The following SGCZ variants were observed in gnomAD, a reference collection of about 807,000 sequenced individuals.
SGCZ encodes the protein zeta-sarcoglycan.
A neutral mutation model predicts 41.3 loss-of-function variants in SGCZ; 40 were observed. The observed-to-expected ratio is 0.97, with a 90% CI of 0.75 to 1.26. SGCZ has a LOEUF of 1.26. Ranked by LOEUF, SGCZ falls within the 50% of genes most tolerant of loss-of-function variation. The pLI is 0.00. For synonymous variants in SGCZ, 206 were observed against 137.5 expected (o/e 1.50, Z -3.49); for missense variants, 552 against 369.8 (o/e 1.49, Z -4.04).
intron 1 of SGCZ, among the ~76,000 whole-genome samples, chr8:15,199,106 AC>A (rs1238292737): frequency 3.3e-5 from 5 of 152,234 alleles, no homozygotes; most frequent in Admixed American, 2.0e-4. Flanking sequence ...ATTTTTAGGA[AC>A]ATCAACTTCG....
intron 1 of SGCZ, among the ~76,000 whole-genome samples, chr8:14,796,063 C>T (rs1364101099): frequency 6.6e-6 from 1 of 152,162 alleles, no homozygotes; most frequent in Non-Finnish European, 1.5e-5. Context: ...TTTTCTTTAT[C>T]CAGTCTATCA....
intron 2 of SGCZ, among the ~76,000 whole-genome samples, chr8:14,492,613 A>C (rs559828011): frequency 5.3e-5 from 8 of 152,260 alleles, no homozygotes; most frequent in Admixed American, 1.3e-4. Context: ...TATCTGCTCA[A>C]ATTTCTCACT....
At chr8:14,542,867 A>G (rs1803512992) in intron 2 of SGCZ, among the ~76,000 whole-genome samples, 2 of 152,112 alleles carry the variant, frequency 1.3e-5, no homozygotes, top group Admixed American at 6.6e-5. Flanking sequence ...ACGTTTAATC[A>G]TCAAAGTATC....
intron 1 of SGCZ, among the ~76,000 whole-genome samples, chr8:14,915,082 T>TA (rs1363386044): frequency 6.6e-6 from 1 of 152,174 alleles, no homozygotes; most frequent in Non-Finnish European, 1.5e-5. Context: ...ATAACTCTCA[T>TA]ACTGCTTTTT....
At chr8:14,153,457 G>T (rs1162463895) in intron 5 of SGCZ, among the ~76,000 whole-genome samples, 1 of 152,118 alleles carries the variant, frequency 6.6e-6, no homozygotes, top group South Asian at 2.1e-4. Flanking sequence ...TTGGGAGTGC[G>T]ATTCTATTGC....
chr8:14,793,801 A>G (rs936398062), intron 1 of SGCZ, among the ~76,000 whole-genome samples: 5 of 152,168 alleles, frequency 3.3e-5, no homozygotes, highest in African/African-American at 1.2e-4. Context: ...TCACCTTGGC[A>G]GAAGTCTAGA....
chr8:14,954,951 G>C (rs1191356171), intron 1 of SGCZ, among the ~76,000 whole-genome samples: 1 of 152,070 alleles, frequency 6.6e-6, no homozygotes, highest in Non-Finnish European at 1.5e-5. Context: ...GCTTTCCCAG[G>C]TGCTATGATA....
chr8:14,418,426 C>G (rs1211525270), intron 2 of SGCZ, among the ~76,000 whole-genome samples: 1 of 151,880 alleles, frequency 6.6e-6, no homozygotes, highest in Non-Finnish European at 1.5e-5. Context: ...GTGAGAGAAA[C>G]GGACTTCTGG....
intron 2 of SGCZ, among the ~76,000 whole-genome samples, chr8:14,427,048 ATG>A (rs1799803482): frequency 7.0e-6 from 1 of 142,986 alleles, no homozygotes; most frequent in East Asian, 2.0e-4. Flanking sequence ...GAATGAATGA[ATG>A]AATGAATGAA....
intron 2 of SGCZ, among the ~76,000 whole-genome samples, chr8:14,375,350 G>A (rs1804077578): frequency 6.6e-6 from 1 of 152,064 alleles, no homozygotes; most frequent in Non-Finnish European, 1.5e-5. Flanking sequence ...ACCACTCTGA[G>A]TATAAGAAAG....
intron 2 of SGCZ, among the ~76,000 whole-genome samples, chr8:14,510,928 T>A (rs977169609): frequency 1.3e-5 from 2 of 152,106 alleles, no homozygotes; most frequent in African/African-American, 4.8e-5. Context: ...CTTCTCCCAG[T>A]TTCTGAGAGA....
At chr8:14,245,136 G>T (rs994740644) in intron 3 of SGCZ, among the ~76,000 whole-genome samples, 3 of 152,144 alleles carry the variant, frequency 2.0e-5, no homozygotes, top group South Asian at 2.1e-4. Flanking sequence ...GTATGTTGAA[G>T]AGGAGTGGTG....
chr8:14,851,254 T>A (rs746881696), intron 1 of SGCZ, among the ~76,000 whole-genome samples: 14 of 149,784 alleles, frequency 9.3e-5, no homozygotes, highest in Non-Finnish European at 2.1e-4. Flanking sequence ...CTGTAGTCCC[T>A]GCTACTTGGG....
chr8:14,851,368 CAAAAA>C (rs369090223), intron 1 of SGCZ, among the ~76,000 whole-genome samples: 10 of 61,920 alleles, frequency 1.6e-4, no homozygotes, highest in Middle Eastern at 0.014. Flanking sequence ...GACTCCATCT[CAAAAA>C]AAAAAAAAAA....
At chr8:14,566,579 A>C (rs758784928) in intron 1 of SGCZ, among the ~76,000 whole-genome samples, 1 of 152,250 alleles carries the variant, frequency 6.6e-6, no homozygotes, top group Non-Finnish European at 1.5e-5. Flanking sequence ...CTTTCCACCA[A>C]AGATGAAAAA....
At chr8:14,328,449 C>A (rs146909754) in intron 2 of SGCZ, among the ~76,000 whole-genome samples, 16 of 152,162 alleles carry the variant, frequency 1.1e-4, no homozygotes, top group African/African-American at 3.9e-4. Context: ...CACTTTGTGT[C>A]TTAATTTTAT....
At chr8:14,989,476 A>T (rs1585442929) in intron 1 of SGCZ, among the ~76,000 whole-genome samples, 1 of 152,108 alleles carries the variant, frequency 6.6e-6, no homozygotes, top group African/African-American at 2.4e-5. Context: ...ATAAAGCAAG[A>T]CCAGTCCTCT....
chr8:14,375,093 G>A (rs1043558927), intron 2 of SGCZ, among the ~76,000 whole-genome samples: 1 of 150,576 alleles, frequency 6.6e-6, no homozygotes, highest in Non-Finnish European at 1.5e-5. Flanking sequence ...AGAAAAGGGG[G>A]ACAATCAGAT....
intron 1 of SGCZ, among the ~76,000 whole-genome samples, chr8:15,113,195 C>T (rs1016895631): frequency 2.0e-4 from 27 of 132,662 alleles, no homozygotes; most frequent in South Asian, 1.0e-3. Context: ...GGCAAGAGAG[C>T]GAGACCTGGC....
Sources: allele counts gnomAD v4.1 joint callset (sites outside exome capture counted in the v4.1 genomes callset), GRCh38; gene constraint gnomAD v4.1.1; transcripts MANE v1.5; gene names NCBI Gene and HGNC (gene_info 2026-07-23, HGNC 2026-07-21).